The following CRISP1 variants were observed in gnomAD, a reference collection of about 807,000 sequenced individuals.
CRISP1 encodes the protein cysteine rich secretory protein 1, also known as cysteine-rich secretory protein 1.
Under a neutral mutation model 33.1 loss-of-function variants are expected in CRISP1, and 44 were observed. That is an observed-to-expected ratio of 1.33 (90% CI 1.05 to 1.71). The LOEUF is 1.71. Among genes scored for constraint, CRISP1 ranks in the 40% most tolerant of loss-of-function variants. The pLI is 0.00. For synonymous variants in CRISP1, 103 were observed against 98.7 expected (o/e 1.04, Z -0.26); for missense variants, 390 against 301.2 (o/e 1.29, Z -2.18).
In CRISP1 at chr6:49,848,160, A is replaced by ATT. The variant is rs373553362; in HGVS notation, c.286+47_286+48dup. On this transcript the variant is annotated intron_variant, in intron 4 of 7. Transcript: ENST00000335847. The stretch of plus-strand genomic sequence containing the variant: ...GGTACATAACAATCCCTGTTTTACT[A>ATT]TTTTTTTTTTTTTTAGTCCAAAGGC... 1,929 of 915,262 alleles carry ATT rather than the reference A, an allele frequency of 2.1e-3. 4 individuals carry two copies. Among genetic ancestry groups the ATT allele is most frequent in the South Asian group, 3.2e-3 (192 of 59,256 alleles). 56.7% of individuals were successfully genotyped at this position (915,262 alleles called of 1,614,324 possible).
chr6:49,874,005 T>A (rs531847975), intron 1 of CRISP1, among the ~76,000 whole-genome samples: 36 of 152,232 alleles, frequency 2.4e-4, no homozygotes, highest in Admixed American at 7.2e-4. Context: ...TTGATTTTCT[T>A]ATTTTTAAAT....
At chr6:49,845,828 A>T (rs1206640124) in intron 5 of CRISP1, among the ~76,000 whole-genome samples, 1 of 152,204 alleles carries the variant, frequency 6.6e-6, no homozygotes, top group African/African-American at 2.4e-5. Context: ...CACATGCTAC[A>T]ACATGGATGA....
chr6:49,843,124 T>C (rs1385958462), intron 5 of CRISP1, among the ~76,000 whole-genome samples: 2 of 152,314 alleles, frequency 1.3e-5, no homozygotes, highest in Admixed American at 6.5e-5. Flanking sequence ...TTGACTTATA[T>C]AGGAAATAGA....
chr6:49,854,222 T>C (rs1053584345), intron 2 of CRISP1, among the ~76,000 whole-genome samples: 1 of 152,192 alleles, frequency 6.6e-6, no homozygotes, highest in Non-Finnish European at 1.5e-5. Context: ...TTCTAATCTT[T>C]CTAAGGCTCA....
chr6:49,848,486 C>A (rs1038635027), intron 3 of CRISP1, among the ~76,000 whole-genome samples, 187 bp from the exon 4 acceptor site: 2 of 152,038 alleles, frequency 1.3e-5, no homozygotes, highest in Non-Finnish European at 2.9e-5. Context: ...ATTATGTTGG[C>A]CCTTGAATTC....
upstream of CRISP1, among the ~76,000 whole-genome samples, chr6:49,871,081 G>A (rs1222356734): frequency 1.3e-5 from 2 of 150,376 alleles, no homozygotes; most frequent in African/African-American, 2.5e-5. Flanking sequence ...CTAGCCTGGG[G>A]GATAAGAGGG....
intron 4 of CRISP1, among the ~76,000 whole-genome samples, chr6:49,847,849 G>A (rs918924048): frequency 1.3e-5 from 2 of 152,060 alleles, no homozygotes; most frequent in African/African-American, 4.8e-5. Flanking sequence ...CCAAAGCTAA[G>A]CAGATCCCCA....
At chr6:49,837,722 T>A (rs1770847333) in intron 7 of CRISP1, among the ~76,000 whole-genome samples, 1 of 152,090 alleles carries the variant, frequency 6.6e-6, no homozygotes, top group Admixed American at 6.5e-5. Flanking sequence ...TAAGGTTTAT[T>A]TTTTTCTCCA....
At chr6:49,866,334 G>A (rs1771797574) in intron 1 of CRISP1, 95 bp downstream of exon 1, 2 of 152,094 alleles carry the variant, frequency 1.3e-5, no homozygotes, top group Admixed American at 1.3e-4. Context: ...AACTTTGCAT[G>A]TAATCTCATT....
At chr6:49,856,706 T>A in intron 2 of CRISP1, among the ~76,000 whole-genome samples, 1 of 152,270 alleles carries the variant, frequency 6.6e-6, no homozygotes, top group Middle Eastern at 3.4e-3. Flanking sequence ...TGGGGTAAAT[T>A]AAAATATATA....
intron 1 of CRISP1, among the ~76,000 whole-genome samples, chr6:49,864,630 GT>G (rs1222246826): frequency 1.3e-4 from 20 of 152,060 alleles, no homozygotes; most frequent in African/African-American, 4.8e-4. Context: ...TTTCATTGCA[GT>G]TTTTAATTTA....
At chr6:49,851,576 A>G (rs1771344419) in intron 3 of CRISP1, among the ~76,000 whole-genome samples, 2 of 152,200 alleles carry the variant, frequency 1.3e-5, no homozygotes, top group Non-Finnish European at 2.9e-5. Flanking sequence ...CAATGAAGAC[A>G]GCTATGAAAT....
At chr6:49,854,119 G>A (rs1352362242) in intron 2 of CRISP1, among the ~76,000 whole-genome samples, 1 of 152,134 alleles carries the variant, frequency 6.6e-6, no homozygotes, top group Non-Finnish European at 1.5e-5. Flanking sequence ...TCAGAGGGCA[G>A]CTGCTTCAAC....
chr6:49,875,882 A>G (rs1772024146), intron 1 of CRISP1, among the ~76,000 whole-genome samples: 1 of 152,082 alleles, frequency 6.6e-6, no homozygotes. Context: ...CTTACACCTT[A>G]TACAAAAATT....
At chr6:49,836,489 T>A (rs1006905460) in intron 7 of CRISP1, among the ~76,000 whole-genome samples, 1 of 151,298 alleles carries the variant, frequency 6.6e-6, no homozygotes, top group East Asian at 1.9e-4. Flanking sequence ...GCGCCCGCCA[T>A]CACGCCCTGC....
chr6:49,850,590 A>G (rs996260105), intron 3 of CRISP1, among the ~76,000 whole-genome samples: 2 of 151,906 alleles, frequency 1.3e-5, no homozygotes, highest in Non-Finnish European at 2.9e-5. Context: ...AATCCTATAC[A>G]TGTCCTATGC....
chr6:49,869,758 G>A (rs1030137637), upstream of CRISP1, among the ~76,000 whole-genome samples: 1 of 152,152 alleles, frequency 6.6e-6, no homozygotes, highest in African/African-American at 2.4e-5. Flanking sequence ...CTAAATGTTG[G>A]TGTCCCCTCA....
intron 5 of CRISP1, among the ~76,000 whole-genome samples, chr6:49,842,314 C>T (rs1006800895): frequency 2.0e-5 from 3 of 152,154 alleles, no homozygotes; most frequent in East Asian, 1.9e-4. Context: ...TAACCTGAAA[C>T]ATGATTTTAA....
intron 7 of CRISP1, among the ~76,000 whole-genome samples, chr6:49,836,608 G>T (rs936267929): frequency 2.0e-5 from 3 of 151,892 alleles, no homozygotes; most frequent in Non-Finnish European, 4.4e-5. Flanking sequence ...CAAAGTGCTG[G>T]GATTACAAGC....
Sources: allele counts gnomAD v4.1 joint callset (sites outside exome capture counted in the v4.1 genomes callset), GRCh38; gene constraint gnomAD v4.1.1; transcripts MANE v1.5; gene names NCBI Gene and HGNC (gene_info 2026-07-23, HGNC 2026-07-21).